SNTB2: variants seen among roughly 807,000 people sequenced by gnomAD.
SNTB2 encodes the protein syntrophin beta 2.
A neutral mutation model predicts 46.2 loss-of-function variants in SNTB2; 34 were observed. That is an observed-to-expected ratio of 0.74 (90% CI 0.56 to 0.98). The LOEUF (loss-of-function observed/expected upper bound fraction) is 0.98. SNTB2 is among the 50% of genes least tolerant of loss of function. SNTB2 has a pLI of 0.00. For synonymous variants in SNTB2, 290 were observed against 312.6 expected (o/e 0.93, Z 0.76); for missense variants, 603 against 731.4 (o/e 0.82, Z 2.02).
chr16:69,245,983 GTA>G (rs1276216323), intron 2 of SNTB2, among the ~76,000 whole-genome samples, 168 bp downstream of exon 2: 5 of 152,104 alleles, frequency 3.3e-5, no homozygotes, highest in Admixed American at 6.5e-5. Flanking sequence ...ATATATACAT[GTA>G]TATGTGTAGA....
At chr16:69,246,693 G>T (rs1489577254) in intron 2 of SNTB2, among the ~76,000 whole-genome samples, 1 of 141,062 alleles carries the variant, frequency 7.1e-6, no homozygotes, top group Non-Finnish European at 1.5e-5. Flanking sequence ...TCTGGTCCTG[G>T]ACTCTTTTTG....
intron 1 of SNTB2, among the ~76,000 whole-genome samples, chr16:69,234,773 T>C (rs1192167096): frequency 6.6e-6 from 1 of 151,574 alleles, no homozygotes; most frequent in Non-Finnish European, 1.5e-5. Flanking sequence ...CATGATCTTG[T>C]CTCACTGCAT....
chr16:69,209,916 T>G (rs970870787), intron 1 of SNTB2, among the ~76,000 whole-genome samples: 1 of 152,172 alleles, frequency 6.6e-6, no homozygotes, highest in Non-Finnish European at 1.5e-5. Context: ...GCTAAAAGTT[T>G]AGCAAGATAG....
chr16:69,200,207 T>TA (rs1445343597), intron 1 of SNTB2, among the ~76,000 whole-genome samples: 1 of 152,204 alleles, frequency 6.6e-6, no homozygotes, highest in African/African-American at 2.4e-5. Flanking sequence ...TAAATATACT[T>TA]ATTTGTGTTG....
At chr16:69,219,656 G>A (rs1432918991) in intron 1 of SNTB2, among the ~76,000 whole-genome samples, 2 of 152,106 alleles carry the variant, frequency 1.3e-5, no homozygotes, top group Non-Finnish European at 2.9e-5. Flanking sequence ...TCATTTGGTT[G>A]TAAATTTCTT....
At position 69,187,708 on chromosome 16, in the gene SNTB2, A is replaced by G; in HGVS notation, c.542A>G (p.Gln181Arg). 1 of 1,292,770 alleles carries G rather than the reference A, an allele frequency of 7.7e-7. No individual in the cohort carries two copies. Among genetic ancestry groups the G allele is most frequent in the Non-Finnish European group, 1.0e-6 (1 of 1,000,476 alleles). The allele number at this position is 1,292,770 out of a possible 1,614,324, so 80.1% of individuals were successfully genotyped here. A position where few individuals can be genotyped will look rare whatever the true frequency, so the allele number is the denominator to read the frequency against. The change falls in exon 1 of 7, where the codon CAG becomes CGG. Residue 181 changes from glutamine (Q) to arginine (R), a missense_variant. This residue lies in a region of SNTB2 where 537 missense variants were observed against 692.4 expected (regional missense o/e 0.78). Transcript: ENST00000336278. ...LRQATHDQAVQALKRAGKEVL... is the reference protein window; with the variant it reads ...LRQATHDQAVRALKRAGKEVL... ...CAGGCCACCCACGACCAGGCCGTGC[A>G]GGCGCTGAAGCGCGCGGGCAAGGAG...
intron 1 of SNTB2, among the ~76,000 whole-genome samples, chr16:69,209,405 C>T (rs1182868274): frequency 6.6e-6 from 1 of 152,136 alleles, no homozygotes; most frequent in Admixed American, 6.6e-5. Flanking sequence ...TTACTATAAG[C>T]TTGGTATGTT....
At chr16:69,297,352 G>A (rs1965236585) in intron 5 of SNTB2, among the ~76,000 whole-genome samples, 1 of 148,492 alleles carries the variant, frequency 6.7e-6, no homozygotes, top group South Asian at 2.1e-4. Context: ...GGGCACGGTG[G>A]CTCATGCCTA....
chr16:69,259,407 G>A (rs9930095), intron 2 of SNTB2, among the ~76,000 whole-genome samples: 21,119 of 150,622 alleles, frequency 0.14, 1,593 homozygotes, highest in Middle Eastern at 0.23. Context: ...TAAATTTTTT[G>A]TATTTTTGGT....
chr16:69,238,383 A>G (rs1964578321), intron 1 of SNTB2, among the ~76,000 whole-genome samples: 1 of 151,630 alleles, frequency 6.6e-6, no homozygotes, highest in East Asian at 1.9e-4. Context: ...GGGATACTAC[A>G]CTCTATTTTT....
intron 1 of SNTB2, 67 bp downstream of exon 1, chr16:69,187,813 T>C: frequency 1.6e-6 from 2 of 1,240,212 alleles, no homozygotes; most frequent in East Asian, 3.3e-5. Context: ...CTCACTTTGT[T>C]CCTGCCCCGC....
intron 1 of SNTB2, among the ~76,000 whole-genome samples, chr16:69,242,803 C>T (rs1405107217): frequency 1.3e-5 from 2 of 152,082 alleles, no homozygotes; most frequent in Non-Finnish European, 2.9e-5. Context: ...GGGTGGATCA[C>T]GAGGTCTGGA....
intron 3 of SNTB2, among the ~76,000 whole-genome samples, chr16:69,261,214 C>T (rs1344296268): frequency 6.6e-6 from 1 of 151,932 alleles, no homozygotes; most frequent in East Asian, 1.9e-4. Context: ...AAAGCAGAAT[C>T]AGCACAGGAA....
chr16:69,213,324 A>G (rs1294087412), intron 1 of SNTB2, among the ~76,000 whole-genome samples: 1 of 151,912 alleles, frequency 6.6e-6, no homozygotes, highest in Non-Finnish European at 1.5e-5. Context: ...AAACACATGG[A>G]ATGTGTTTTA....
intron 1 of SNTB2, among the ~76,000 whole-genome samples, chr16:69,218,746 C>G (rs6499222): frequency 0.025 from 3,755 of 152,182 alleles, 161 homozygotes; most frequent in African/African-American, 0.085. Flanking sequence ...TTTAAAATCT[C>G]AAATCATAAG....
Position 69,285,357 on chromosome 16 carries a change from T to TC in SNTB2, c.1345+1113_1345+1114insC, listed in dbSNP as rs1491394690. 6.1e-5 allele frequency among the ~76,000 whole-genome samples: 5 copies of TC among 81,816 alleles called. No homozygotes were observed. In the South Asian group the frequency reaches 1.1e-3, roughly 18 times the overall value. The allele number at this position is 81,816 out of a possible 152,430, so 53.7% of individuals were successfully genotyped here. A position where few individuals can be genotyped will look rare whatever the true frequency, so the allele number is the denominator to read the frequency against. ...ATGACATTTTTATAGTTCATCTCTC[T>TC]TTTTTTTTTTTTTTTTTTAGAGTGG... On this transcript the variant is annotated intron_variant, in intron 5 of 6. Coordinates refer to ENST00000336278, the MANE Select transcript of SNTB2 (RefSeq NM_006750.4).
intron 1 of SNTB2, among the ~76,000 whole-genome samples, chr16:69,228,244 G>A (rs1964476809): frequency 1.3e-5 from 2 of 152,050 alleles, no homozygotes; most frequent in South Asian, 2.1e-4. Flanking sequence ...GGTGGCTGAT[G>A]CCTGTAATCC....
At chr16:69,299,484 A>T in intron 5 of SNTB2, 106 bp from the exon 6 acceptor site, 2 of 1,129,536 alleles carry the variant, frequency 1.8e-6, no homozygotes, top group Non-Finnish European at 2.5e-6. Flanking sequence ...GGTATCACAC[A>T]TTCTCAAGAA....
chr16:69,301,166 A>C lies in SNTB2; in HGVS notation c.*242A>C, dbSNP rs915945833. The C allele has an allele frequency of 2.6e-6, 1 of 387,136 alleles. No individual in the cohort carries two copies. Among genetic ancestry groups the C allele is most frequent in the Non-Finnish European group, 4.7e-6 (1 of 211,854 alleles). 24.0% of individuals were successfully genotyped at this position (387,136 alleles called of 1,614,324 possible). On this transcript the variant is annotated 3_prime_UTR_variant, in exon 7 of 7. Transcript: ENST00000336278. ...AAGCTGTTGATTTATTCTCATTTCAAAATATGGTTTATGAGTAATTAGGTT... is the reference window on the plus strand; with the variant it reads ...AAGCTGTTGATTTATTCTCATTTCACAATATGGTTTATGAGTAATTAGGTT...
Sources: allele counts gnomAD v4.1 joint callset (sites outside exome capture counted in the v4.1 genomes callset), GRCh38; gene constraint gnomAD v4.1.1; regional missense constraint gnomAD v4.1.1; transcripts MANE v1.5; gene names NCBI Gene and HGNC (gene_info 2026-07-23, HGNC 2026-07-21).